The following NRDE2 variants were observed in gnomAD, a reference collection of about 807,000 sequenced individuals.
NRDE2 encodes the protein NRDE-2, necessary for RNA interference, domain containing, also known as nuclear exosome regulator NRDE2.
A neutral mutation model predicts 124.2 loss-of-function variants in NRDE2; 76 were observed. The ratio of observed to expected loss-of-function variants is 0.61; its 90% CI spans 0.51 to 0.74. The LOEUF (loss-of-function observed/expected upper bound fraction) is 0.74, where lower values mean the gene tolerates loss of function less well. Among genes scored for constraint, NRDE2 ranks in the 30% least tolerant of loss-of-function variants. NRDE2 has a pLI of 0.00. For synonymous variants in NRDE2, 489 were observed against 528.1 expected, an observed-to-expected ratio of 0.93 and a Z score of 1.01; for missense variants, 1,314 against 1,417.3, an observed-to-expected ratio of 0.93 and a Z score of 1.17.
intron 4 of NRDE2, among the ~76,000 whole-genome samples, chr14:90,306,535 G>A (rs1437550811): frequency 6.6e-6 from 1 of 152,186 alleles, no homozygotes; most frequent in Non-Finnish European, 1.5e-5. Context: ...TGTAGGCCGG[G>A]TGTGGTGGCT....
At position 90,316,602 on chromosome 14, in the gene NRDE2, C is replaced by A. The variant is rs1419978128; in HGVS notation, c.383G>T (p.Ser128Ile). The A allele has an allele frequency of 6.2e-7, 1 of 1,612,202 alleles. No individual in the cohort carries two copies. Among genetic ancestry groups the A allele is most frequent in the East Asian group, 2.2e-5 (1 of 44,880 alleles). ...KDKPSRGVGG[S>I]KKESEEPNQG... ...CTTCGGTTCCTCAGATTCCTTTTTA[C>A]TGCCTCCAACGCCTCTGGAAGGTTT... Residue 128 changes from serine (S) to isoleucine (I), a missense_variant, in exon 3 of 14, where the codon AGT (serine) becomes ATT (isoleucine). Ser to Ile is a moderately radical substitution (Grantham distance 142, BLOSUM62 -2). Coordinates refer to ENST00000354366, the MANE Select transcript of NRDE2 (RefSeq NM_017970.4).
At chr14:90,288,001 C>T (rs748202457) in intron 11 of NRDE2, among the ~76,000 whole-genome samples, 9 of 152,280 alleles carry the variant, frequency 5.9e-5, no homozygotes, top group Non-Finnish European at 1.0e-4. Flanking sequence ...CACACCCAGG[C>T]GACAGCCACC....
chr14:90,301,215 G>A (rs374073585), intron 7 of NRDE2, 24 bp downstream of exon 7: 2 of 1,611,868 alleles, frequency 1.2e-6, no homozygotes, highest in African/African-American at 2.7e-5. Context: ...GGAAGAGAGA[G>A]ATGAGGCGAG....
intron 7 of NRDE2, 108 bp downstream of exon 7, chr14:90,301,131 C>T (rs1464020757): frequency 1.7e-5 from 19 of 1,120,356 alleles, no homozygotes; most frequent in Non-Finnish European, 2.2e-5. Flanking sequence ...AAAAACACTA[C>T]CACACCACCT....
At chr14:90,297,940 C>CAAA (rs58242184) in intron 8 of NRDE2, among the ~76,000 whole-genome samples, 5 of 96,542 alleles carry the variant, frequency 5.2e-5, no homozygotes, top group African/African-American at 1.9e-4. Flanking sequence ...GATTCTGTCT[C>CAAA]AAAAAAAAAA....
chr14:90,327,643 C>T (rs1016830934), intron 1 of NRDE2, among the ~76,000 whole-genome samples: 1 of 151,984 alleles, frequency 6.6e-6, no homozygotes, highest in African/African-American at 2.4e-5. Context: ...AAACTTCACA[C>T]CTCACTGGTC....
At chr14:90,301,629 A>C (rs1178168254) in intron 6 of NRDE2, 1 of 447,286 alleles carries the variant, frequency 2.2e-6, no homozygotes, top group Non-Finnish European at 4.2e-6. Context: ...TAGTACATAA[A>C]AATAAGTCAA....
intron 7 of NRDE2, 86 bp from the exon 8 acceptor site, chr14:90,298,466 A>G (rs1884264840): frequency 3.0e-6 from 4 of 1,318,682 alleles, no homozygotes; most frequent in Non-Finnish European, 4.3e-6. Flanking sequence ...TGGATATAAG[A>G]GAAGCTTATG....
chr14:90,311,490 G>A (rs1345813653), intron 4 of NRDE2, among the ~76,000 whole-genome samples: 1 of 152,064 alleles, frequency 6.6e-6, no homozygotes, highest in Non-Finnish European at 1.5e-5. Flanking sequence ...TTTTATAAAG[G>A]GCAGTTCCCC....
intron 6 of NRDE2, 86 bp downstream of exon 6, chr14:90,302,634 T>G: frequency 7.5e-7 from 1 of 1,327,168 alleles, no homozygotes; most frequent in Non-Finnish European, 1.0e-6. Flanking sequence ...TTTTCTAGAA[T>G]AAATCAAAAA....
Position 90,290,588 on chromosome 14 carries a change from C to T in NRDE2, c.1862G>A (p.Gly621Glu). 6.2e-7 allele frequency: 1 copy of T among 1,608,080 alleles called. No individual in the cohort carries two copies. Residue 621 changes from glycine to glutamate, a missense_variant, in exon 10 of 14, where the codon GGG (glycine) becomes GAG (glutamate). Coordinates refer to ENST00000354366, the MANE Select transcript of NRDE2 (RefSeq NM_017970.4). ...GCTGGAAAGTCTGATCAAAGATTGCCCAATATCATCAAACAACACCTGCAA... is the reference window on the plus strand; with the variant it reads ...GCTGGAAAGTCTGATCAAAGATTGCTCAATATCATCAAACAACACCTGCAA... ...PERQVLFDDI[G>E]QSLIRLSSHD...
At position 90,285,272 on chromosome 14, in the gene NRDE2, A is replaced by T. The variant is rs534602837; in HGVS notation, c.3297+1082T>A. 7.0e-3 allele frequency among the ~76,000 whole-genome samples: 970 copies of T among 139,484 alleles called. 5 individuals carry two copies. The highest frequency in any genetic ancestry group is 0.021 in the South Asian group (94 of 4,510). 91.5% of individuals were successfully genotyped at this position (139,484 alleles called of 152,430 possible). On this transcript the variant is annotated intron_variant, in intron 12 of 13. Coordinates refer to ENST00000354366, the MANE Select transcript of NRDE2 (RefSeq NM_017970.4). ...GGCAACAGAATGAGACCTTGTCTTA[A>T]AAAAAAAAAAAAAAAAAGGAAATGT...
At position 90,302,992 on chromosome 14, in the gene NRDE2, C is replaced by A; in HGVS notation, c.1139G>T (p.Ser380Ile). ...LERAIESNQS[S>I]VDLKLAKLKL... Reference sequence around the variant, plus strand: ...CAGCTTGGCCAGTTTCAGATCCACACTGCTCTGGTTGCTCTCAATGGCCCG... The same window carrying A: ...CAGCTTGGCCAGTTTCAGATCCACAATGCTCTGGTTGCTCTCAATGGCCCG... The change falls in exon 6 of 14, where the codon AGT becomes ATT. Residue 380 changes from serine to isoleucine, a missense_variant. Coordinates refer to ENST00000354366, the MANE Select transcript of NRDE2 (RefSeq NM_017970.4). 6.2e-7 allele frequency: 1 copy of A among 1,614,092 alleles called. No individual in the cohort carries two copies. Among genetic ancestry groups the A allele is most frequent in the Non-Finnish European group, 8.5e-7 (1 of 1,180,044 alleles).
At chr14:90,286,265 G>T (rs1892098609) in intron 12 of NRDE2, 89 bp downstream of exon 12, 1 of 1,453,412 alleles carries the variant, frequency 6.9e-7, no homozygotes, top group Non-Finnish European at 9.3e-7. Flanking sequence ...CCTGGGCAGG[G>T]GCTACTTCTC....
At chr14:90,298,517 A>C in intron 7 of NRDE2, 137 bp from the exon 8 acceptor site, 1 of 854,608 alleles carries the variant, frequency 1.2e-6, no homozygotes, top group South Asian at 1.4e-5. Flanking sequence ...TGAAGTAGAT[A>C]CATGCTACAC....
rs1001054490 is a variant in NRDE2, at chr14:90,277,445, A to G, written c.*891T>C. On this transcript the variant is annotated 3_prime_UTR_variant, in exon 14 of 14. Transcript: ENST00000354366. ...TTAATAGTGAAAATCACTCAGCACT[A>G]AAAATCTCTTCGGAGGCAGAACAAG... 6.6e-6 allele frequency: 1 copy of G among 152,278 alleles called. No individual in the cohort carries two copies. The highest frequency in any genetic ancestry group is 6.5e-5 in the Admixed American group (1 of 15,288). 9.4% of individuals were successfully genotyped at this position (152,278 alleles called of 1,614,324 possible). A position where few individuals can be genotyped will look rare whatever the true frequency, so the allele number is the denominator to read the frequency against.
chr14:90,315,918 C>G (rs1313344583), intron 3 of NRDE2, among the ~76,000 whole-genome samples: 1 of 137,910 alleles, frequency 7.3e-6, no homozygotes, highest in Admixed American at 8.0e-5. Flanking sequence ...GATCGCACCA[C>G]TGCACTCCAG....
At chr14:90,317,929 TA>T in intron 2 of NRDE2, 75 bp downstream of exon 2, 1 of 1,025,056 alleles carries the variant, frequency 9.8e-7, no homozygotes, top group Non-Finnish European at 1.5e-6. Flanking sequence ...TAGAGTTTTC[TA>T]AGGAGCTTCA....
At chr14:90,326,448 C>T (rs1220493314) in intron 1 of NRDE2, among the ~76,000 whole-genome samples, 2 of 148,748 alleles carry the variant, frequency 1.3e-5, no homozygotes, top group Non-Finnish European at 1.5e-5. Flanking sequence ...GAGCCGAGAT[C>T]GCGCCACTGC....
Sources: allele counts gnomAD v4.1 joint callset (sites outside exome capture counted in the v4.1 genomes callset), GRCh38; gene constraint gnomAD v4.1.1; transcripts MANE v1.5; gene names NCBI Gene and HGNC (gene_info 2026-07-23, HGNC 2026-07-21).